Variants in THUMPD3 observed in about 807,000 individuals in gnomAD.
THUMPD3 encodes the protein tRNA (guanine(6)-N(2))-methyltransferase THUMP3.
In THUMPD3, 44 loss-of-function variants were observed where a neutral mutation model predicts 54.5. That is an observed-to-expected ratio of 0.81 (90% CI 0.63 to 1.04). THUMPD3 has a LOEUF of 1.04. Ranked by LOEUF, THUMPD3 falls within the 50% of genes least tolerant of loss-of-function variation. THUMPD3 has a pLI of 0.00. For missense variants in THUMPD3, 604 were observed against 601.3 expected, an observed-to-expected ratio of 1.00 and a Z score of -0.05; for synonymous variants, 196 against 201.4, an observed-to-expected ratio of 0.97 and a Z score of 0.23.
intron 4 of THUMPD3, among the ~76,000 whole-genome samples, chr3:9,373,496 A>G (rs1249282584): frequency 1.3e-5 from 2 of 152,072 alleles, no homozygotes; most frequent in Non-Finnish European, 2.9e-5. Context: ...CCCTGTCTCA[A>G]AAAGGGAATT....
chr3:9,384,211 G>GGAT lies in THUMPD3; in HGVS notation c.1237_1239dup (p.Met413dup). ...TTGACTCATGAGACCTTCTATTATA[G>GGAT]GATGGGATCCAAGAAGAGAAACTGG... is the stretch of plus-strand genomic sequence containing the variant. On this transcript the variant is annotated inframe_insertion and splice_region_variant. Transcript: ENST00000452837. The GGAT allele has an allele frequency of 6.2e-7, 1 of 1,613,692 alleles. No homozygotes were observed. Among genetic ancestry groups the GGAT allele is most frequent in the Non-Finnish European group, 8.5e-7 (1 of 1,179,886 alleles).
At chr3:9,367,044 C>T in intron 3 of THUMPD3, 59 bp downstream of exon 3, 1 of 1,340,408 alleles carries the variant, frequency 7.5e-7, no homozygotes, top group Non-Finnish European at 1.1e-6. Flanking sequence ...GAGATTATTT[C>T]CATTTTTCAT....
At chr3:9,377,572 G>A (rs747165475) in intron 5 of THUMPD3, among the ~76,000 whole-genome samples, 4 of 151,884 alleles carry the variant, frequency 2.6e-5, no homozygotes, top group Non-Finnish European at 4.4e-5. Context: ...ACGGGGTTTC[G>A]CCATGTTGGC....
Position 9,384,133 on chromosome 3 carries a change from T to C in THUMPD3, c.1236-79T>C, listed in dbSNP as rs1375757254. The C allele has an allele frequency of 3.3e-6, 5 of 1,504,938 alleles. No homozygotes were observed. In the Admixed American group the frequency reaches 8.1e-5, roughly 24 times the overall value. The allele number at this position is 1,504,938 out of a possible 1,614,324, so 93.2% of individuals were successfully genotyped here. A position where few individuals can be genotyped will look rare whatever the true frequency, so the allele number is the denominator to read the frequency against. ...GCTATTTTTCATGCCTCAGGATGCA[T>C]GAAACTGTTTTTGTTTCATATAGTC... On this transcript the variant is annotated intron_variant, in intron 8 of 9. Coordinates refer to ENST00000452837, the MANE Select transcript of THUMPD3 (RefSeq NM_001114092.2).
rs573592601 is a variant in THUMPD3, at chr3:9,385,072, G to A, written c.*384G>A. 102 of 181,558 alleles carry A rather than the reference G, an allele frequency of 5.6e-4. No individual in the cohort carries two copies. The South Asian group carries it at 9.4e-3, about 17-fold the overall frequency. The allele number at this position is 181,558 out of a possible 1,614,324, so 11.2% of individuals were successfully genotyped here. ...AGAGAATCACTTGAACCCAGCAGGC[G>A]GAGGTTGCGGTGAGTCGAGATCACG... On this transcript the variant is annotated 3_prime_UTR_variant, in exon 10 of 10. Coordinates refer to ENST00000452837, the MANE Select transcript of THUMPD3 (RefSeq NM_001114092.2).
rs756015066 is a variant in THUMPD3, at chr3:9,371,563, T to G, written c.807+27T>G. 5 of 1,541,642 alleles carry G rather than the reference T, an allele frequency of 3.2e-6. No homozygotes were observed. The South Asian group carries it at 4.7e-5, about 15-fold the overall frequency. On this transcript the variant is annotated intron_variant, in intron 4 of 9. Coordinates refer to ENST00000452837, the MANE Select transcript of THUMPD3 (RefSeq NM_001114092.2). ...TAGGTATAGGCTCTGACTGTGGTGA[T>G]TGAAGAATGCTGTCACAGATTTGTA...
intron 3 of THUMPD3, among the ~76,000 whole-genome samples, chr3:9,367,893 G>T (rs973439292): frequency 2.6e-5 from 4 of 151,956 alleles, no homozygotes; most frequent in Non-Finnish European, 5.9e-5. Flanking sequence ...GTGAAACCCC[G>T]TCTCTACTAA....
intron 4 of THUMPD3, 61 bp from the exon 5 acceptor site, chr3:9,374,453 CTT>C: frequency 6.3e-7 from 1 of 1,586,068 alleles, no homozygotes; most frequent in Non-Finnish European, 8.6e-7. Context: ...TCAGAAAAGT[CTT>C]ATTACTAAGC....
intron 2 of THUMPD3, 144 bp from the exon 3 acceptor site, chr3:9,366,764 G>T: frequency 1.7e-6 from 1 of 593,776 alleles, no homozygotes; most frequent in East Asian, 3.0e-5. Flanking sequence ...TGAGAAACTA[G>T]GGAGATGGGA....
intron 3 of THUMPD3, 65 bp from the exon 4 acceptor site, chr3:9,370,995 T>C (rs1328625289): frequency 7.5e-7 from 1 of 1,340,902 alleles, no homozygotes; most frequent in East Asian, 2.3e-5. Context: ...ATAAGCAAAG[T>C]AGAGGTTTAT....
At chr3:9,382,288 T>C (rs977523217) in intron 7 of THUMPD3, among the ~76,000 whole-genome samples, 5 of 152,216 alleles carry the variant, frequency 3.3e-5, no homozygotes, top group African/African-American at 9.6e-5. Flanking sequence ...CTTTGACTTA[T>C]CTTCAGTTCT....
At chr3:9,368,335 C>G (rs2031736504) in intron 3 of THUMPD3, among the ~76,000 whole-genome samples, 1 of 150,072 alleles carries the variant, frequency 6.7e-6, no homozygotes, top group South Asian at 2.1e-4. Context: ...CACCTGGCCC[C>G]CATTCCCCAC....
chr3:9,364,870 G>A (rs557532043), intron 1 of THUMPD3, 146 bp from the exon 2 acceptor site: 1 of 596,060 alleles, frequency 1.7e-6, no homozygotes, highest in Admixed American at 3.1e-5. Context: ...TGCACTCTGT[G>A]CCCATGTTTA....
At position 9,377,958 on chromosome 3, in the gene THUMPD3, T is replaced by C. The variant is rs989158333; in HGVS notation, c.1008+70T>C. 6 of 1,257,594 alleles carry C rather than the reference T, an allele frequency of 4.8e-6. No individual in the cohort carries two copies. The African/African-American group carries it at 5.9e-5, about 12-fold the overall frequency. 77.9% of individuals were successfully genotyped at this position (1,257,594 alleles called of 1,614,324 possible). A position where few individuals can be genotyped will look rare whatever the true frequency, so the allele number is the denominator to read the frequency against. On this transcript the variant is annotated intron_variant, in intron 6 of 9. Coordinates refer to ENST00000452837, the MANE Select transcript of THUMPD3 (RefSeq NM_001114092.2). ...AATATTCTAGACCTAATGGGCAAAT[T>C]AGACATAATGAAATCTCCATGGTTG...
intron 6 of THUMPD3, 102 bp downstream of exon 6, chr3:9,377,990 T>C: frequency 2.1e-6 from 2 of 944,108 alleles, no homozygotes; most frequent in East Asian, 2.4e-5. Context: ...GTTGGATCAG[T>C]GGACCCAAGA....
chr3:9,374,715 AT>A, intron 5 of THUMPD3, 69 bp downstream of exon 5: 1 of 1,547,516 alleles, frequency 6.5e-7, no homozygotes, highest in Non-Finnish European at 8.9e-7. Flanking sequence ...CAAAATACTG[AT>A]TTGTGTGTAT....
At chr3:9,368,505 G>A (rs1159358139) in intron 3 of THUMPD3, among the ~76,000 whole-genome samples, 1 of 151,720 alleles carries the variant, frequency 6.6e-6, no homozygotes, top group Non-Finnish European at 1.5e-5. Context: ...TGGGACTATA[G>A]GCATATGCCA....
intron 6 of THUMPD3, among the ~76,000 whole-genome samples, chr3:9,379,557 G>A (rs1402748464): frequency 2.0e-5 from 3 of 152,140 alleles, no homozygotes; most frequent in Non-Finnish European, 2.9e-5. Flanking sequence ...CTAGGGTCAC[G>A]TCACCTCATT....
chr3:9,369,548 T>C (rs1348082988), intron 3 of THUMPD3, among the ~76,000 whole-genome samples: 1 of 152,034 alleles, frequency 6.6e-6, no homozygotes, highest in Non-Finnish European at 1.5e-5. Context: ...TCAAAAAAAT[T>C]TTAGGTTTTG....
Sources: gnomAD v4.1 joint callset for allele counts (sites outside exome capture counted in the v4.1 genomes callset) on GRCh38, gnomAD v4.1.1 for gene constraint, MANE v1.5 for transcripts, NCBI Gene and HGNC (gene_info 2026-07-23, HGNC 2026-07-21) for gene names.